Variants in CSPP1 observed in about 807,000 individuals in gnomAD.
CSPP1 encodes the protein centrosome and spindle pole associated protein 1.
In CSPP1, 126 loss-of-function variants were observed where a neutral mutation model predicts 164.4. The observed-to-expected ratio is 0.77, with a 90% CI of 0.66 to 0.89. CSPP1 has a LOEUF of 0.89. Among genes scored for constraint, CSPP1 ranks in the 40% least tolerant of loss-of-function variants. CSPP1 has a pLI of 0.00. For synonymous variants in CSPP1, 472 were observed against 476.7 expected, an observed-to-expected ratio of 0.99 and a Z score of 0.13; for missense variants, 1,395 against 1,449.8, an observed-to-expected ratio of 0.96 and a Z score of 0.61.
chr8:67,168,949 CT>C lies in CSPP1; in HGVS notation c.2829-3465del, dbSNP rs1313648105. 4.6e-5 allele frequency among the ~76,000 whole-genome samples: 7 copies of C among 152,250 alleles called. No homozygotes were observed. The East Asian group carries it at 1.4e-3, about 29-fold the overall frequency. On this transcript the variant is annotated intron_variant, in intron 24 of 30. Transcript: ENST00000678616. ...TAAATCTCCATAGAGTTCCTTTCAC[CT>C]TAAGTATTAGAGGTCTCTGTCAGCC...
chr8:67,086,774 A>C (rs1287084444), intron 4 of CSPP1: 1 of 1,115,746 alleles, frequency 9.0e-7, no homozygotes, highest in Admixed American at 2.1e-5. Flanking sequence ...GGAGAGAATG[A>C]ACTTTGACTT....
chr8:67,068,286 G>C (rs1184596564), intron 1 of CSPP1, among the ~76,000 whole-genome samples: 1 of 152,168 alleles, frequency 6.6e-6, no homozygotes, highest in African/African-American at 2.4e-5. Flanking sequence ...GAACATGCTT[G>C]AGGTCATTCA....
chr8:67,153,966 C>T, intron 18 of CSPP1, 58 bp from the exon 19 acceptor site: 2 of 732,572 alleles, frequency 2.7e-6, no homozygotes, highest in Non-Finnish European at 4.8e-6. Flanking sequence ...CATTCTTTAA[C>T]TGTTAAATTT....
At chr8:67,159,957 C>CCTTCTTTCT (rs1554605789) in intron 21 of CSPP1, among the ~76,000 whole-genome samples, 4 of 20,016 alleles carry the variant, frequency 2.0e-4, no homozygotes, top group Admixed American at 5.8e-4. Flanking sequence ...TTCCTTCCTT[C>CCTTCTTTCT]TTTCTTTTCT....
At chr8:67,149,726 G>C in intron 17 of CSPP1, 57 bp from the exon 18 acceptor site, 23 of 1,194,030 alleles carry the variant, frequency 1.9e-5, no homozygotes, top group Non-Finnish European at 2.6e-5. Context: ...AATATATTTT[G>C]CATGCCAATT....
rs187266037 is a variant in CSPP1 at position 67,160,384 on chromosome 8, G to A, written c.2538+1247G>A. ...GGAGGCTGAGGCAAGAGAATCGCCTGAACTTGGGAGGCGGAGGTTGCAGTG... is the reference window on the plus strand; with the variant it reads ...GGAGGCTGAGGCAAGAGAATCGCCTAAACTTGGGAGGCGGAGGTTGCAGTG... On this transcript the variant is annotated intron_variant, in intron 21 of 30. Coordinates refer to ENST00000678616, the MANE Select transcript of CSPP1 (RefSeq NM_001382391.1). Among the ~76,000 whole-genome samples, 465 of 150,924 alleles carry A rather than the reference G, an allele frequency of 3.1e-3. 5 individuals are homozygous for A. Among genetic ancestry groups the A allele is most frequent in the Middle Eastern group, 0.014 (4 of 290 alleles).
intron 4 of CSPP1, among the ~76,000 whole-genome samples, chr8:67,087,153 ATTT>A (rs1327190189): frequency 1.3e-5 from 2 of 152,036 alleles, no homozygotes; most frequent in African/African-American, 2.4e-5. Context: ...TCAGCATGCA[ATTT>A]TTTATTTCTC....
Position 67,195,572 on chromosome 8 carries a change from C to A in CSPP1, c.3660C>A (p.Gly1220=), listed in dbSNP as rs772464232. Residue 1220 remains glycine (G), a synonymous_variant, in exon 31 of 31, where the codon GGC becomes GGA. Transcript: ENST00000678616. ...AACCAGGCACTTTCACTTGGCAGGG[C>A]CTGTCGACTGCACATGGTTAAAATA... ...PGKPGTFTWQ[G]LSTAHG is the part of the protein sequence containing the mutation. 1.1e-5 allele frequency: 17 copies of A among 1,613,978 alleles called. No individual in the cohort carries two copies. The South Asian group carries it at 1.9e-4, about 18-fold the overall frequency.
intron 1 of CSPP1, among the ~76,000 whole-genome samples, chr8:67,070,789 C>T (rs111782693): frequency 6.5e-4 from 97 of 150,326 alleles, no homozygotes; most frequent in African/African-American, 2.2e-3. Context: ...GCTCTGTTGC[C>T]CAGGCTGGAG....
intron 13 of CSPP1, among the ~76,000 whole-genome samples, chr8:67,117,783 C>G (rs1438849593): frequency 6.6e-6 from 1 of 152,120 alleles, no homozygotes; most frequent in Admixed American, 6.6e-5. Flanking sequence ...CTTACATGTG[C>G]TTTCTTTCTC....
At chr8:67,070,947 G>A (rs185235121) in intron 1 of CSPP1, among the ~76,000 whole-genome samples, 124 of 151,932 alleles carry the variant, frequency 8.2e-4, no homozygotes, top group Middle Eastern at 6.8e-3. Context: ...GTAGAGACAA[G>A]ATCTTACTAT....
intron 29 of CSPP1, among the ~76,000 whole-genome samples, chr8:67,192,722 T>C (rs1340170676): frequency 6.6e-6 from 1 of 152,250 alleles, no homozygotes; most frequent in Non-Finnish European, 1.5e-5. Flanking sequence ...TCCATTCTTT[T>C]GCATGTGGCC....
At chr8:67,148,997 G>A (rs1825168075) in intron 17 of CSPP1, among the ~76,000 whole-genome samples, 1 of 152,134 alleles carries the variant, frequency 6.6e-6, no homozygotes. Flanking sequence ...GGGTGGTTCT[G>A]TCTCAGGCTC....
In CSPP1 at chr8:67,156,331, C is replaced by G. The variant is rs945399725; in HGVS notation, c.2242-2116C>G. 2.6e-5 allele frequency among the ~76,000 whole-genome samples: 4 copies of G among 152,118 alleles called. 1 individual carries two copies. The South Asian group carries it at 8.3e-4, about 32-fold the overall frequency. On this transcript the variant is annotated intron_variant, in intron 19 of 30. Coordinates refer to ENST00000678616, the MANE Select transcript of CSPP1 (RefSeq NM_001382391.1). ...AGTCTCCAGACTTCAAGTGTAATAT[C>G]TATGGATATCAGACTTCTATTTATA...
chr8:67,083,548 A>AAAAAAAAAAAAAATATATATAT (rs1332248754), intron 3 of CSPP1: 1 of 91,502 alleles, frequency 1.1e-5, no homozygotes, highest in African/African-American at 4.5e-5. Context: ...AAAAAAAAAA[A>AAAAAAAAAAAAAATATATATAT]ATATATATAT....
Position 67,070,404 on chromosome 8 carries a change from A to G in CSPP1, c.-10-3839A>G, listed in dbSNP as rs1384030027. Reference sequence around the variant, plus strand: ...CATGACCCCGGGAGGTGGAGCTTGCAGTGAGCCGAGATCGCGCCACTGCAC... The same window carrying G: ...CATGACCCCGGGAGGTGGAGCTTGCGGTGAGCCGAGATCGCGCCACTGCAC... On this transcript the variant is annotated intron_variant, in intron 1 of 30. Coordinates refer to ENST00000678616, the MANE Select transcript of CSPP1 (RefSeq NM_001382391.1). Among the ~76,000 whole-genome samples the G allele has an allele frequency of 3.3e-5, 5 of 150,090 alleles. No individual in the cohort carries two copies. In the South Asian group the frequency reaches 8.5e-4, roughly 26 times the overall value.
intron 4 of CSPP1, among the ~76,000 whole-genome samples, chr8:67,087,700 A>G (rs1810692444): frequency 6.6e-6 from 1 of 152,166 alleles, no homozygotes; most frequent in African/African-American, 2.4e-5. Context: ...ATTCTTTTTG[A>G]GAGTAGTAAG....
At chr8:67,146,973 G>T (rs1440712840) in intron 17 of CSPP1, among the ~76,000 whole-genome samples, 2 of 152,114 alleles carry the variant, frequency 1.3e-5, no homozygotes, top group South Asian at 2.1e-4. Flanking sequence ...AAAAGGAGTG[G>T]CCAGTTGCCA....
At chr8:67,088,411 C>T (rs570875517) in intron 4 of CSPP1, among the ~76,000 whole-genome samples, 1 of 151,704 alleles carries the variant, frequency 6.6e-6, no homozygotes, top group African/African-American at 2.4e-5. Flanking sequence ...CCTCAGCTCC[C>T]GGAGTAGCTG....
Sources: allele counts gnomAD v4.1 joint callset (sites outside exome capture counted in the v4.1 genomes callset), GRCh38; gene constraint gnomAD v4.1.1; transcripts MANE v1.5; gene names NCBI Gene and HGNC (gene_info 2026-07-23, HGNC 2026-07-21).